SH3BP2: variants seen among roughly 807,000 people sequenced by gnomAD.
The protein encoded by SH3BP2 is SH3 domain binding protein 2.
SH3BP2 carries 38 observed loss-of-function variants against 56.2 expected under a neutral mutation model. That is an observed-to-expected ratio of 0.68 (90% confidence interval 0.52 to 0.89). The LOEUF (loss-of-function observed/expected upper bound fraction) is 0.89. Among genes scored for constraint, SH3BP2 ranks in the 40% least tolerant of loss-of-function variants. The pLI, the probability that SH3BP2 is intolerant of heterozygous loss-of-function variation, is 0.00. For synonymous variants in SH3BP2, 346 were observed against 316.7 expected, an observed-to-expected ratio of 1.09 and a Z score of -0.98; for missense variants, 748 against 762.6, an observed-to-expected ratio of 0.98 and a Z score of 0.23.
At chr4:2,812,833 G>C (rs1358089726) in intron 1 of SH3BP2, among the ~76,000 whole-genome samples, 3 of 146,826 alleles carry the variant, frequency 2.0e-5, no homozygotes, top group Non-Finnish European at 3.0e-5. Context: ...GGTGGCCTTG[G>C]TGTTTGGGTC....
Position 2,827,623 on chromosome 4 carries a change from G to C in SH3BP2, c.535G>C (p.Glu179Gln). ...CCATGCAGACTATGAGCACGACGAT[G>C]AGGATGACTCCTACCTGGAGCCTGA... The part of the protein sequence containing the change: ...TDNEDYEHDD[E>Q]DDSYLEPDSP... The change falls in exon 7 of 13, where the codon GAG becomes CAG. Residue 179 changes from glutamate to glutamine, a missense_variant. Glu to Gln is a conservative substitution (Grantham distance 29). Transcript: ENST00000503393. 6.3e-7 allele frequency: 1 copy of C among 1,599,014 alleles called. No homozygotes were observed. The highest frequency in any genetic ancestry group is 1.3e-5 in the African/African-American group (1 of 74,818).
At chr4:2,825,046 G>C (rs568199147) in intron 4 of SH3BP2, 80 bp from the exon 5 acceptor site, 1 of 1,300,370 alleles carries the variant, frequency 7.7e-7, no homozygotes, top group South Asian at 1.3e-5. Context: ...CAGCAGAGCA[G>C]GCAGGGCAGT....
At chr4:2,812,349 C>T in intron 1 of SH3BP2, 1 of 1,550,162 alleles carries the variant, frequency 6.5e-7, no homozygotes, top group South Asian at 1.2e-5. Context: ...CGTCAGGCCT[C>T]ACATGTCTGG....
chr4:2,825,583 C>A (rs1724570299), intron 5 of SH3BP2, among the ~76,000 whole-genome samples: 1 of 150,220 alleles, frequency 6.7e-6, no homozygotes. Context: ...CACAGAGCAA[C>A]ACACAGACAT....
chr4:2,812,476 A>G lies in SH3BP2; in HGVS notation c.-4-8138A>G, dbSNP rs1314289955. 5 of 1,549,116 alleles carry G rather than the reference A, an allele frequency of 3.2e-6. No homozygotes were observed. The South Asian group carries it at 3.6e-5, about 11-fold the overall frequency. On this transcript the variant is annotated intron_variant, in intron 1 of 12. Coordinates refer to ENST00000503393, the MANE Select transcript of SH3BP2 (RefSeq NM_001122681.2). ...GGCCATGTGTTGGGTCAGCACCATC[A>G]GGTCAGTGGGGCGGCCCCAGGACTG...
intron 7 of SH3BP2, 29 bp downstream of exon 7, chr4:2,827,703 T>C (rs1157057129): frequency 6.7e-7 from 1 of 1,498,080 alleles, no homozygotes; most frequent in Admixed American, 1.9e-5. Context: ...CCCGGGGAGC[T>C]CTGGGTGTGT....
At chr4:2,833,650 C>G (rs896295196) in intron 12 of SH3BP2, 47 bp from the exon 13 acceptor site, 1 of 1,588,600 alleles carries the variant, frequency 6.3e-7, no homozygotes, top group African/African-American at 1.3e-5. Flanking sequence ...CCTAGAGCCG[C>G]AGAGTGGCCT....
rs145949614 is a variant in SH3BP2 at position 2,831,938 on chromosome 4, T to C, written c.1366T>C (p.Ser456Pro). Residue 456 changes from serine (S) to proline (P), a missense_variant, in exon 10 of 13, where the codon TCG (serine) becomes CCG (proline). Physicochemically the swap from Ser to Pro is moderately conservative, Grantham distance 74. Coordinates refer to ENST00000503393, the MANE Select transcript of SH3BP2 (RefSeq NM_001122681.2). This position sits in a 1 kb window ranked among gnomAD's most constrained non-coding sequence, Gnocchi z 4.1. ...CCTCTTGCAGGTGCCACTGCCCAAC[T>C]CGGTCTTCGTCAACACCACGGAGTC... ...EDYEKVPLPN[S>P]VFVNTTESCE... 2.9e-4 allele frequency: 460 copies of C among 1,612,872 alleles called. 1 individual carries two copies. Among genetic ancestry groups the C allele is most frequent in the Middle Eastern group, 4.9e-4 (3 of 6,084 alleles).
At position 2,831,499 on chromosome 4, in the gene SH3BP2, G is replaced by T; in HGVS notation, c.1242-72G>T. 1 of 1,111,674 alleles carries T rather than the reference G, an allele frequency of 9.0e-7. No individual in the cohort carries two copies. Among genetic ancestry groups the T allele is most frequent in the Non-Finnish European group, 1.3e-6 (1 of 746,112 alleles). The allele number at this position is 1,111,674 out of a possible 1,614,324, so 68.9% of individuals were successfully genotyped here. On this transcript the variant is annotated intron_variant, in intron 8 of 12. Transcript: ENST00000503393. The surrounding 1 kb of genome is among the most constrained non-coding windows in gnomAD (Gnocchi z 4.1). ...GTCCTCACACAGAGGGTGGAGTGGG[G>T]AGGGGAGCAGAGGGTGGCCGCCCCG...
chr4:2,827,692 G>T lies in SH3BP2; in HGVS notation c.586+18G>T, dbSNP rs747736549. The T allele has an allele frequency of 3.0e-6, 3 of 990,030 alleles. No homozygotes were observed. The highest frequency in any genetic ancestry group is 4.7e-6 in the Non-Finnish European group (3 of 644,760). 61.3% of individuals were successfully genotyped at this position (990,030 alleles called of 1,614,324 possible). ...GCTTGAGGGTAGGTGGGGCGGGTGG[G>T]CCCGGGGAGCTCTGGGTGTGTAGGA... On this transcript the variant is annotated intron_variant, in intron 7 of 12. Coordinates refer to ENST00000503393, the MANE Select transcript of SH3BP2 (RefSeq NM_001122681.2).
At position 2,813,417 on chromosome 4, in the gene SH3BP2, CTTGG is replaced by C. The variant is rs1347516971; in HGVS notation, c.-4-7196_-4-7193del. ...GGGGCGATCACTGAGAAGCACAGAG[CTTGG>C]CCCACAGGGAGTGCCCAGTGCGCTC... On this transcript the variant is annotated intron_variant, in intron 1 of 12. Coordinates refer to ENST00000503393, the MANE Select transcript of SH3BP2 (RefSeq NM_001122681.2). 6.6e-4 allele frequency among the ~76,000 whole-genome samples: 101 copies of C among 152,252 alleles called. 2 individuals are homozygous for C. The highest frequency in any genetic ancestry group is 7.3e-4 in the Non-Finnish European group (50 of 68,040).
Position 2,838,641 on chromosome 4 carries a change from A to ATTTTTTTTTTTTTTTTTTTTTTTTTTTTT in SH3BP2, c.*4818_*4819insTTTTTTTTTTTTTTTTTTTTTTTTTTTTT, listed in dbSNP as rs397878760. Reference sequence around the variant, plus strand: ...AACATTATAAAGATTTTTGTTTGCGATTTTTTTTTTTAGCTCATCAGCTAT... The same window carrying ATTTTTTTTTTTTTTTTTTTTTTTTTTTTT: ...AACATTATAAAGATTTTTGTTTGCGATTTTTTTTTTTTTTTTTTTTTTTTTTTTTTTTTTTTTTTTAGCTCATCAGCTAT... On this transcript the variant is annotated 3_prime_UTR_variant, in exon 13 of 13. Transcript: ENST00000503393. The ATTTTTTTTTTTTTTTTTTTTTTTTTTTTT allele has an allele frequency of 6.7e-6, 1 of 148,868 alleles. No homozygotes were observed. The highest frequency in any genetic ancestry group is 2.5e-5 in the African/African-American group (1 of 40,054). The allele number at this position is 148,868 out of a possible 1,614,324, so 9.2% of individuals were successfully genotyped here.
rs1725161860 is a variant in SH3BP2, at chr4:2,834,405, G to C, written c.*571G>C. ...GGGAACCCCAACAGTTGGTTGTCTT[G>C]TCTTCCAGGGTGCAGGTCACTGAGT... On this transcript the variant is annotated 3_prime_UTR_variant, in exon 13 of 13. Coordinates refer to ENST00000503393, the MANE Select transcript of SH3BP2 (RefSeq NM_001122681.2). 1 of 153,708 alleles carries C rather than the reference G, an allele frequency of 6.5e-6. No individual in the cohort carries two copies. Among genetic ancestry groups the C allele is most frequent in the Non-Finnish European group, 1.4e-5 (1 of 69,072 alleles). The allele number at this position is 153,708 out of a possible 1,614,324, so 9.5% of individuals were successfully genotyped here.
chr4:2,822,478 T>G (rs1257340467), intron 2 of SH3BP2, among the ~76,000 whole-genome samples: 1 of 152,186 alleles, frequency 6.6e-6, no homozygotes, highest in Non-Finnish European at 1.5e-5. Flanking sequence ...CAAGCAATTC[T>G]CCTGCTTCAG....
chr4:2,825,338 T>A (rs1200042677), intron 5 of SH3BP2, 142 bp downstream of exon 5: 2 of 719,608 alleles, frequency 2.8e-6, no homozygotes, highest in Non-Finnish European at 5.1e-6. Context: ...GGGCTGCGTC[T>A]CTCTGCTCCT....
intron 1 of SH3BP2, among the ~76,000 whole-genome samples, chr4:2,800,601 G>A (rs1723233194): frequency 6.6e-6 from 1 of 151,940 alleles, no homozygotes; most frequent in Non-Finnish European, 1.5e-5. Flanking sequence ...TGGGGGCTCT[G>A]GGGAGGCTGT....
intron 1 of SH3BP2, chr4:2,812,616 C>A: frequency 8.7e-7 from 1 of 1,153,420 alleles, no homozygotes; most frequent in Non-Finnish European, 1.2e-6. Flanking sequence ...TGGCCCTGAG[C>A]CTGCAAAAGG....
intron 2 of SH3BP2, among the ~76,000 whole-genome samples, chr4:2,821,655 G>A (rs1049088663): frequency 4.9e-4 from 74 of 152,104 alleles, no homozygotes; most frequent in South Asian, 6.2e-4. Context: ...AACCTCCCAG[G>A]CTCAGGTGAT....
intron 1 of SH3BP2, among the ~76,000 whole-genome samples, chr4:2,808,222 C>T (rs371560666): frequency 2.2e-4 from 33 of 152,286 alleles, no homozygotes; most frequent in East Asian, 2.1e-3. Context: ...TGCTGGTGGC[C>T]GGCGATCCTC....
Sources: allele counts gnomAD v4.1 joint callset (sites outside exome capture counted in the v4.1 genomes callset), GRCh38; gene constraint gnomAD v4.1.1; non-coding constraint Gnocchi (gnomAD v3.1); transcripts MANE v1.5; gene names NCBI Gene and HGNC (gene_info 2026-07-23, HGNC 2026-07-21).